The following ZMAT4 variants were observed in gnomAD, a reference collection of about 807,000 sequenced individuals.
ZMAT4 encodes the protein zinc finger matrin-type protein 4.
Under a neutral mutation model 28.7 loss-of-function variants are expected in ZMAT4, and 17 were observed. The observed-to-expected ratio is 0.59, with a 90% confidence interval of 0.41 to 0.89. The LOEUF (loss-of-function observed/expected upper bound fraction) is 0.89. ZMAT4 is among the 40% of genes least tolerant of loss of function. The pLI is 0.00. For missense variants in ZMAT4, 240 were observed against 283.8 expected, an observed-to-expected ratio of 0.85 and a Z score of 1.11; for synonymous variants, 117 against 109.2, an observed-to-expected ratio of 1.07 and a Z score of -0.44.
chr8:40,675,000 C>T, intron 4 of ZMAT4, 69 bp from the exon 5 acceptor site: 4 of 1,243,722 alleles, frequency 3.2e-6, no homozygotes, highest in South Asian at 1.3e-5. Flanking sequence ...TTCCTCAATA[C>T]CCGAAGACCA....
chr8:40,759,797 C>A (rs1450941735), intron 3 of ZMAT4, among the ~76,000 whole-genome samples: 1 of 152,162 alleles, frequency 6.6e-6, no homozygotes, highest in Admixed American at 6.5e-5. Context: ...AATCTCCCAT[C>A]CTTTTCTGTT....
At chr8:40,879,859 C>A (rs1384647234) in intron 1 of ZMAT4, among the ~76,000 whole-genome samples, 1 of 152,202 alleles carries the variant, frequency 6.6e-6, no homozygotes, top group Non-Finnish European at 1.5e-5. Flanking sequence ...TGTCTCACAT[C>A]ATTAACCTGC....
At chr8:40,841,913 T>G (rs1316500565) in intron 1 of ZMAT4, among the ~76,000 whole-genome samples, 4 of 152,176 alleles carry the variant, frequency 2.6e-5, no homozygotes, top group African/African-American at 9.7e-5. Flanking sequence ...TTCTGCACTC[T>G]CCTGGGGCAG....
chr8:40,579,808 A>G (rs1312031794), intron 6 of ZMAT4, among the ~76,000 whole-genome samples: 4 of 152,088 alleles, frequency 2.6e-5, no homozygotes, highest in Non-Finnish European at 5.9e-5. Context: ...AAACAAGGAT[A>G]TTGTGTTGAG....
chr8:40,680,956 G>T (rs1808738354), intron 4 of ZMAT4, among the ~76,000 whole-genome samples: 1 of 152,100 alleles, frequency 6.6e-6, no homozygotes, highest in South Asian at 2.1e-4. Context: ...AAAGTATGTG[G>T]TTTCTCTCAC....
chr8:40,675,146 G>A (rs4541895), intron 4 of ZMAT4, among the ~76,000 whole-genome samples: 119,503 of 152,130 alleles, frequency 0.79, 47,319 homozygotes, highest in East Asian at 0.96. Context: ...GAGTTTGCAT[G>A]TCGTTATACC....
intron 6 of ZMAT4, among the ~76,000 whole-genome samples, chr8:40,540,740 T>C (rs1450151369): frequency 6.6e-6 from 1 of 152,210 alleles, no homozygotes; most frequent in Non-Finnish European, 1.5e-5. Context: ...TGCCCTTAAG[T>C]TGTGAAGTCT....
At chr8:40,800,121 C>T (rs899234739) in intron 2 of ZMAT4, among the ~76,000 whole-genome samples, 108 of 152,244 alleles carry the variant, frequency 7.1e-4, no homozygotes, top group African/African-American at 2.4e-3. Context: ...ATGGACCACA[C>T]GCCCAAGAAA....
At chr8:40,768,453 G>A (rs915698190) in intron 2 of ZMAT4, among the ~76,000 whole-genome samples, 2 of 152,160 alleles carry the variant, frequency 1.3e-5, no homozygotes, top group African/African-American at 4.8e-5. Context: ...TTGCTCAACT[G>A]AGAGTTTCAT....
intron 1 of ZMAT4, among the ~76,000 whole-genome samples, chr8:40,837,381 G>T (rs1455410200): frequency 6.6e-6 from 1 of 152,118 alleles, no homozygotes; most frequent in Non-Finnish European, 1.5e-5. Flanking sequence ...CCCAACCCCT[G>T]GTGCCCACTG....
At chr8:40,618,473 A>G (rs1444035047) in intron 5 of ZMAT4, among the ~76,000 whole-genome samples, 1 of 152,222 alleles carries the variant, frequency 6.6e-6, no homozygotes, top group Non-Finnish European at 1.5e-5. Context: ...AAAAAATACA[A>G]CGGTGGTTTC....
At chr8:40,859,528 TTAC>T in intron 1 of ZMAT4, among the ~76,000 whole-genome samples, 1 of 152,008 alleles carries the variant, frequency 6.6e-6, no homozygotes, top group Non-Finnish European at 1.5e-5. Flanking sequence ...ACAAGGGGAA[TTAC>T]AGGCCCAGCT....
intron 3 of ZMAT4, among the ~76,000 whole-genome samples, chr8:40,751,029 G>A (rs764707309): frequency 2.6e-5 from 4 of 152,150 alleles, no homozygotes; most frequent in African/African-American, 9.7e-5. Flanking sequence ...CCATGACAAA[G>A]GGTCATGCAA....
chr8:40,568,174 A>G lies in ZMAT4; in HGVS notation c.674+12991T>C, dbSNP rs187842016. Among the ~76,000 whole-genome samples the G allele has an allele frequency of 5.9e-5, 9 of 152,278 alleles. No individual in the cohort carries two copies. In the East Asian group the frequency reaches 9.7e-4, roughly 16 times the overall value. ...CCAGAGAATAATGTGCTAATTGTAC[A>G]TGACTGACAAAATGAACTTGGTCAT... On this transcript the variant is annotated intron_variant, in intron 6 of 6. Coordinates refer to ENST00000297737, the MANE Select transcript of ZMAT4 (RefSeq NM_024645.3).
intron 3 of ZMAT4, among the ~76,000 whole-genome samples, chr8:40,751,942 G>A (rs1484833640): frequency 1.3e-5 from 2 of 152,134 alleles, no homozygotes; most frequent in Non-Finnish European, 2.9e-5. Flanking sequence ...GAAGACCCCT[G>A]TCCTCCTAAA....
chr8:40,772,353 G>A (rs755875121), intron 2 of ZMAT4, among the ~76,000 whole-genome samples: 3 of 152,132 alleles, frequency 2.0e-5, no homozygotes, highest in Non-Finnish European at 4.4e-5. Context: ...CTTCTCTTTG[G>A]GGGAATAAAG....
chr8:40,560,200 T>C (rs1313928632), intron 6 of ZMAT4, among the ~76,000 whole-genome samples: 3 of 115,278 alleles, frequency 2.6e-5, no homozygotes, highest in African/African-American at 1.0e-4. Context: ...TCAAACTTTA[T>C]ATATATATAT....
intron 5 of ZMAT4, among the ~76,000 whole-genome samples, chr8:40,588,819 A>G (rs1804755446): frequency 6.6e-6 from 1 of 152,156 alleles, no homozygotes; most frequent in African/African-American, 2.4e-5. Flanking sequence ...CTTAGTGTTA[A>G]AAAAAGATTT....
chr8:40,796,135 C>T (rs765217430), intron 2 of ZMAT4, among the ~76,000 whole-genome samples: 3 of 152,120 alleles, frequency 2.0e-5, no homozygotes, highest in Non-Finnish European at 4.4e-5. Context: ...GGGACGTTTC[C>T]GCTCCATATT....
Sources: gnomAD v4.1 joint callset for allele counts (sites outside exome capture counted in the v4.1 genomes callset) on GRCh38, gnomAD v4.1.1 for gene constraint, MANE v1.5 for transcripts, NCBI Gene and HGNC (gene_info 2026-07-23, HGNC 2026-07-21) for gene names.